NKAIN2: variants seen among roughly 807,000 people sequenced by gnomAD.
NKAIN2 encodes the protein sodium/potassium transporting ATPase interacting 2.
A neutral mutation model predicts 32.6 loss-of-function variants in NKAIN2; 14 were observed. The observed-to-expected ratio is 0.43, with a 90% CI of 0.28 to 0.67. NKAIN2 has a LOEUF of 0.67. Ranked by LOEUF, NKAIN2 falls within the 30% of genes least tolerant of loss-of-function variation. The probability of loss-of-function intolerance (pLI) is 0.17; values close to 1 mark genes in which losing one functional copy is unlikely to be tolerated. For missense variants in NKAIN2, 198 were observed against 258.3 expected (o/e 0.77, Z 1.60); for synonymous variants, 80 against 87.2 (o/e 0.92, Z 0.46).
chr6:124,560,444 GT>G (rs567556700), intron 3 of NKAIN2, among the ~76,000 whole-genome samples: 8 of 152,160 alleles, frequency 5.3e-5, no homozygotes, highest in Non-Finnish European at 7.4e-5. Context: ...GTATGTCTTT[GT>G]TTTGCAGTGC....
At chr6:124,373,224 T>G (rs1334103534) in intron 3 of NKAIN2, among the ~76,000 whole-genome samples, 2 of 152,110 alleles carry the variant, frequency 1.3e-5, no homozygotes, top group Non-Finnish European at 2.9e-5. Flanking sequence ...GCTAATGTCA[T>G]GGATGCAGGG....
At position 124,403,886 on chromosome 6, in the gene NKAIN2, G is replaced by C. The variant is rs190015079; in HGVS notation, c.273+48539G>C. 2.7e-3 allele frequency among the ~76,000 whole-genome samples: 418 copies of C among 152,104 alleles called. 1 individual carries two copies. The highest frequency in any genetic ancestry group is 9.4e-3 in the African/African-American group (392 of 41,522). ...TAGAATTTCAATTTAGTTCAAATCTGTTCTTTCTTTTATAGTTTCCATTTC... is the reference window on the plus strand; with the variant it reads ...TAGAATTTCAATTTAGTTCAAATCTCTTCTTTCTTTTATAGTTTCCATTTC... On this transcript the variant is annotated intron_variant, in intron 3 of 6. Coordinates refer to ENST00000368417, the MANE Select transcript of NKAIN2 (RefSeq NM_001040214.3).
At chr6:124,707,388 C>T (rs149975881) in intron 4 of NKAIN2, among the ~76,000 whole-genome samples, 65,088 of 148,632 alleles carry the variant, frequency 0.44, 14,658 homozygotes, top group African/African-American at 0.53. Context: ...ATGGTATTTC[C>T]AGTTCTAGAT....
chr6:124,412,304 G>C (rs879407728), intron 3 of NKAIN2, among the ~76,000 whole-genome samples: 1 of 152,052 alleles, frequency 6.6e-6, no homozygotes, highest in African/African-American at 2.4e-5. Context: ...CATCTTTGTG[G>C]TTTTATCTAC....
chr6:124,626,071 C>T (rs1041662275), intron 3 of NKAIN2, among the ~76,000 whole-genome samples: 2 of 146,448 alleles, frequency 1.4e-5, no homozygotes, highest in African/African-American at 2.5e-5. Flanking sequence ...TTAGGTATAT[C>T]TCCTAATGCT....
intron 1 of NKAIN2, among the ~76,000 whole-genome samples, chr6:123,946,176 C>G (rs1391847415): frequency 6.6e-6 from 1 of 152,040 alleles, no homozygotes; most frequent in Non-Finnish European, 1.5e-5. Flanking sequence ...AGTTGGTGAG[C>G]AGAGTGAAGT....
chr6:124,530,689 T>C (rs1487767994), intron 3 of NKAIN2, among the ~76,000 whole-genome samples: 1 of 152,170 alleles, frequency 6.6e-6, no homozygotes, highest in Non-Finnish European at 1.5e-5. Flanking sequence ...ATAGGTGTAA[T>C]TTAGTCTTAG....
intron 3 of NKAIN2, among the ~76,000 whole-genome samples, chr6:124,483,289 T>C (rs1366206606): frequency 1.3e-5 from 2 of 152,126 alleles, no homozygotes; most frequent in African/African-American, 4.8e-5. Context: ...CATGAAAGAA[T>C]AAGAGGCAAA....
intron 5 of NKAIN2, among the ~76,000 whole-genome samples, chr6:124,802,789 G>A (rs1484906004): frequency 6.6e-6 from 1 of 152,052 alleles, no homozygotes; most frequent in East Asian, 1.9e-4. Context: ...CTTGGAAAAA[G>A]TTTTCTTCAC....
chr6:123,948,709 G>A (rs901315158), intron 1 of NKAIN2, among the ~76,000 whole-genome samples: 3 of 141,232 alleles, frequency 2.1e-5, no homozygotes, highest in Non-Finnish European at 4.6e-5. Flanking sequence ...CCATTGAGCA[G>A]ATTTTCTCTT....
chr6:124,404,205 C>A (rs756723646), intron 3 of NKAIN2, among the ~76,000 whole-genome samples: 2 of 152,082 alleles, frequency 1.3e-5, no homozygotes, highest in Non-Finnish European at 2.9e-5. Flanking sequence ...CACCTTTATT[C>A]ATTTCCAGGC....
At chr6:124,207,562 A>C (rs1183494160) in intron 1 of NKAIN2, among the ~76,000 whole-genome samples, 1 of 151,146 alleles carries the variant, frequency 6.6e-6, no homozygotes, top group African/African-American at 2.4e-5. Flanking sequence ...CTTCCTGGGC[A>C]GGTCTTTTTG....
intron 1 of NKAIN2, among the ~76,000 whole-genome samples, chr6:124,119,792 A>C (rs1032866338): frequency 3.9e-5 from 6 of 152,162 alleles, no homozygotes; most frequent in Non-Finnish European, 7.4e-5. Context: ...CTGCTACCAG[A>C]CACCTGTCAC....
At chr6:124,057,305 T>C (rs1403710149) in intron 1 of NKAIN2, among the ~76,000 whole-genome samples, 1 of 152,068 alleles carries the variant, frequency 6.6e-6, no homozygotes, top group African/African-American at 2.4e-5. Context: ...TGTTTCTTTT[T>C]AAATTTGTCT....
intron 1 of NKAIN2, among the ~76,000 whole-genome samples, chr6:124,268,161 G>A (rs991151586): frequency 2.0e-5 from 3 of 152,138 alleles, no homozygotes; most frequent in African/African-American, 7.2e-5. Flanking sequence ...CAATTCTAGT[G>A]ATGAGAGCCA....
At chr6:123,966,987 A>G (rs191853829) in intron 1 of NKAIN2, among the ~76,000 whole-genome samples, 1 of 152,322 alleles carries the variant, frequency 6.6e-6, no homozygotes, top group East Asian at 1.9e-4. Context: ...CCCGAGTCCT[A>G]AAGATTAAAA....
chr6:124,367,875 T>C (rs1379838419), intron 3 of NKAIN2, among the ~76,000 whole-genome samples: 1 of 152,098 alleles, frequency 6.6e-6, no homozygotes, highest in Non-Finnish European at 1.5e-5. Flanking sequence ...TAGGAAATAA[T>C]TCTTATGTGG....
intron 1 of NKAIN2, among the ~76,000 whole-genome samples, chr6:123,946,386 A>T (rs983604712): frequency 6.6e-6 from 1 of 152,138 alleles, no homozygotes; most frequent in African/African-American, 2.4e-5. Flanking sequence ...GGTAAATGTG[A>T]TTTAACTGAA....
At chr6:124,171,847 C>T (rs573029477) in intron 1 of NKAIN2, among the ~76,000 whole-genome samples, 32 of 147,838 alleles carry the variant, frequency 2.2e-4, no homozygotes, top group South Asian at 4.3e-4. Flanking sequence ...CCACCGCGGC[C>T]GACTCTTTTT....
Sources: gnomAD v4.1 joint callset for allele counts (sites outside exome capture counted in the v4.1 genomes callset) on GRCh38, gnomAD v4.1.1 for gene constraint, MANE v1.5 for transcripts, NCBI Gene and HGNC (gene_info 2026-07-23, HGNC 2026-07-21) for gene names.